PBLD: variants seen among roughly 807,000 people sequenced by gnomAD.
PBLD encodes phenazine biosynthesis-like domain-containing protein.
PBLD carries 26 observed loss-of-function variants against 31.3 expected under a neutral mutation model. The observed-to-expected ratio is 0.83, with a 90% CI of 0.61 to 1.15. The LOEUF (loss-of-function observed/expected upper bound fraction) is 1.15. PBLD is among the 50% of genes most tolerant of loss of function. PBLD has a pLI of 0.00. For missense variants in PBLD, 307 were observed against 351.7 expected, an observed-to-expected ratio of 0.87 and a Z score of 1.02; for synonymous variants, 114 against 129.0, an observed-to-expected ratio of 0.88 and a Z score of 0.79.
rs1334914869 is a variant in PBLD at position 68,296,998 on chromosome 10, C to T, written c.85-13G>A. The T allele has an allele frequency of 1.9e-6, 3 of 1,590,628 alleles. No homozygotes were observed. The highest frequency in any genetic ancestry group is 1.3e-5 in the African/African-American group (1 of 74,364). Reference sequence around the variant, plus strand: ...CTTCATCCAATTCCTTAATTAGAAACAGACGATCATTGAGGTTTCAAAAAC... The same window carrying T: ...CTTCATCCAATTCCTTAATTAGAAATAGACGATCATTGAGGTTTCAAAAAC... On this transcript the variant is annotated splice_polypyrimidine_tract_variant and intron_variant, in intron 2 of 9. Coordinates refer to ENST00000358769, the MANE Select transcript of PBLD (RefSeq NM_022129.4).
chr10:68,315,812 T>C (rs7904473), intron 1 of PBLD, among the ~76,000 whole-genome samples: 34,703 of 151,988 alleles, frequency 0.23, 4,831 homozygotes, highest in African/African-American at 0.35. Context: ...CCCCAGCATG[T>C]ACAACTGAGT....
intron 2 of PBLD, among the ~76,000 whole-genome samples, chr10:68,306,089 A>G (rs2044574227): frequency 6.6e-6 from 1 of 151,734 alleles, no homozygotes; most frequent in South Asian, 2.1e-4. Flanking sequence ...CTTGAGGGTC[A>G]ATATTTAAAT....
intron 1 of PBLD, among the ~76,000 whole-genome samples, chr10:68,330,568 C>T (rs1012287767): frequency 4.6e-5 from 7 of 152,236 alleles, no homozygotes; most frequent in Admixed American, 3.3e-4. Flanking sequence ...GGAGGTGGGA[C>T]GGAGTCTCGC....
chr10:68,309,579 G>C (rs1377595251), intron 1 of PBLD, among the ~76,000 whole-genome samples: 1 of 149,620 alleles, frequency 6.7e-6, no homozygotes, highest in African/African-American at 2.5e-5. Flanking sequence ...GGAGGCCGAG[G>C]CAGGCAGATC....
Position 68,283,186 on chromosome 10 carries a change from G to A in PBLD, c.*991C>T, listed in dbSNP as rs561007346. ...GGCATGAGCCGCCACGCCCAGCTGA[G>A]ATTACATTACTTTGAGTGTTTAATT... is the stretch of plus-strand genomic sequence containing the variant. On this transcript the variant is annotated 3_prime_UTR_variant, in exon 10 of 10. Coordinates refer to ENST00000358769, the MANE Select transcript of PBLD (RefSeq NM_022129.4). The A allele has an allele frequency of 4.1e-4, 62 of 152,068 alleles. No homozygotes were observed. The highest frequency in any genetic ancestry group is 1.3e-3 in the African/African-American group (55 of 41,484). 9.4% of individuals were successfully genotyped at this position (152,068 alleles called of 1,614,324 possible).
chr10:68,288,971 T>A lies in PBLD; in HGVS notation c.472A>T (p.Thr158Ser), dbSNP rs755293070. Residue 158 changes from threonine (T) to serine (S), a missense_variant, in exon 7 of 10, where the codon ACC becomes TCC. Coordinates refer to ENST00000358769, the MANE Select transcript of PBLD (RefSeq NM_022129.4). Reference protein sequence around the residue: ...LVQDICYSPDTQKLLVRLSDV... With the variant: ...LVQDICYSPDSQKLLVRLSDV... ...CTGAGGCGGACGAGGAGCTTTTGGG[T>A]ATCTGGAGAATAACAGATGTCCTGG... 2.6e-5 allele frequency: 42 copies of A among 1,614,026 alleles called. No homozygotes were observed. The highest frequency in any genetic ancestry group is 3.5e-5 in the Non-Finnish European group (41 of 1,180,030).
At chr10:68,317,976 C>G (rs2044757644) in intron 1 of PBLD, among the ~76,000 whole-genome samples, 1 of 151,936 alleles carries the variant, frequency 6.6e-6, no homozygotes. Flanking sequence ...GCCTGTAATC[C>G]CAGCACTTTG....
chr10:68,310,095 C>T lies in PBLD; in HGVS notation c.-59-3192G>A, dbSNP rs944868387. 2.0e-5 allele frequency among the ~76,000 whole-genome samples: 3 copies of T among 149,502 alleles called. No individual in the cohort carries two copies. The East Asian group carries it at 6.2e-4, about 31-fold the overall frequency. On this transcript the variant is annotated intron_variant, in intron 1 of 9. Transcript: ENST00000358769. ...AGGTTGCAGTGAGCTGAGATTGTAC[C>T]ACTGCACTCCAGCCTGGGTGACCGA...
intron 1 of PBLD, chr10:68,331,978 C>A (rs10998071): frequency 0.042 from 6,426 of 152,566 alleles, 165 homozygotes; most frequent in African/African-American, 0.048. Flanking sequence ...ACCGACTTTC[C>A]CGTCTCGCGA....
At chr10:68,315,059 G>A (rs2044719168) in intron 1 of PBLD, among the ~76,000 whole-genome samples, 1 of 152,054 alleles carries the variant, frequency 6.6e-6, no homozygotes, top group Admixed American at 6.5e-5. Context: ...CAAAGTGCTG[G>A]GATCACAGGT....
At chr10:68,314,592 G>A (rs1013856063) in intron 1 of PBLD, among the ~76,000 whole-genome samples, 1 of 151,270 alleles carries the variant, frequency 6.6e-6, no homozygotes, top group Non-Finnish European at 1.5e-5. Flanking sequence ...CACTAACAAG[G>A]TTTGTCTTTT....
intron 1 of PBLD, among the ~76,000 whole-genome samples, chr10:68,308,073 C>T (rs567988942): frequency 6.6e-6 from 1 of 151,994 alleles, no homozygotes; most frequent in Non-Finnish European, 1.5e-5. Flanking sequence ...ATCCCAGGAC[C>T]CCCTGAGGAC....
At chr10:68,303,364 G>A (rs1012568539) in intron 2 of PBLD, among the ~76,000 whole-genome samples, 3 of 151,896 alleles carry the variant, frequency 2.0e-5, no homozygotes, top group African/African-American at 7.3e-5. Flanking sequence ...GGGATTACAG[G>A]TGTGAACCAC....
chr10:68,282,740 C>CA lies in PBLD; in HGVS notation c.*1436dup, dbSNP rs2134410309. 1 of 152,072 alleles carries CA rather than the reference C, an allele frequency of 6.6e-6. No homozygotes were observed. Among genetic ancestry groups the CA allele is most frequent in the African/African-American group, 2.4e-5 (1 of 41,468 alleles). The allele number at this position is 152,072 out of a possible 1,614,324, so 9.4% of individuals were successfully genotyped here. The stretch of plus-strand genomic sequence containing the variant: ...ATAAATTCACTCTTACATGCTTTAG[C>CA]AAAAATCAGTAAAAATAGAAAACAT... On this transcript the variant is annotated 3_prime_UTR_variant, in exon 10 of 10. Transcript: ENST00000358769.
At chr10:68,317,415 G>T (rs983700437) in intron 1 of PBLD, among the ~76,000 whole-genome samples, 2 of 152,060 alleles carry the variant, frequency 1.3e-5, no homozygotes, top group East Asian at 1.9e-4. Flanking sequence ...GCACATGAAT[G>T]GGTACTCAAA....
At chr10:68,324,940 TATCTA>T (rs2044893091) in intron 1 of PBLD, among the ~76,000 whole-genome samples, 2 of 77,812 alleles carry the variant, frequency 2.6e-5, no homozygotes, top group African/African-American at 1.0e-4. Flanking sequence ...TAATCAGAAC[TATCTA>T]ATTAAAACAC....
intron 1 of PBLD, among the ~76,000 whole-genome samples, chr10:68,322,285 T>A (rs764150985): frequency 3.3e-5 from 5 of 152,104 alleles, no homozygotes; most frequent in African/African-American, 9.7e-5. Flanking sequence ...TAATGTGGTA[T>A]CCTGGATGGG....
At chr10:68,309,027 A>G (rs1327294313) in intron 1 of PBLD, among the ~76,000 whole-genome samples, 1 of 150,060 alleles carries the variant, frequency 6.7e-6, no homozygotes, top group East Asian at 2.1e-4. Flanking sequence ...AGTGATGTAT[A>G]TTTGTCCCTC....
chr10:68,300,321 T>C (rs10047355), intron 2 of PBLD, among the ~76,000 whole-genome samples: 119,770 of 152,104 alleles, frequency 0.79, 47,796 homozygotes, highest in Non-Finnish European at 0.86. Context: ...ATGCTTTAAC[T>C]AGCCACACTA....
Sources: allele counts gnomAD v4.1 joint callset (sites outside exome capture counted in the v4.1 genomes callset), GRCh38; gene constraint gnomAD v4.1.1; transcripts MANE v1.5; gene names NCBI Gene and HGNC (gene_info 2026-07-23, HGNC 2026-07-21).